Variants in FRMD6 observed in about 807,000 individuals in gnomAD.
FRMD6 encodes FERM domain-containing protein 6.
A neutral mutation model predicts 73.2 loss-of-function variants in FRMD6; 37 were observed. The ratio of observed to expected loss-of-function variants is 0.51; its 90% CI spans 0.39 to 0.66. The LOEUF (loss-of-function observed/expected upper bound fraction) is 0.66, where lower values mean the gene tolerates loss of function less well. FRMD6 is among the 30% of genes least tolerant of loss of function. The probability of loss-of-function intolerance (pLI) is 0.00; values close to 1 mark genes in which losing one functional copy is unlikely to be tolerated. For missense variants in FRMD6, 714 were observed against 780.5 expected (o/e 0.91, Z 1.02); for synonymous variants, 273 against 282.2 (o/e 0.97, Z 0.33).
chr14:51,504,375 C>T (rs1395090953), intron 1 of FRMD6, among the ~76,000 whole-genome samples: 1 of 152,216 alleles, frequency 6.6e-6, no homozygotes, highest in Admixed American at 6.5e-5. Context: ...CTAGAGACCC[C>T]TGTTGGGAGG....
chr14:51,469,035 G>C, the FRMD6 span, among the ~76,000 whole-genome samples: 1 of 152,046 alleles, frequency 6.6e-6, no homozygotes, highest in Non-Finnish European at 1.5e-5. Flanking sequence ...TTGCCTCCCA[G>C]GTTCACACCA....
chr14:51,503,388 T>C (rs879159876), intron 1 of FRMD6, among the ~76,000 whole-genome samples: 1 of 152,188 alleles, frequency 6.6e-6, no homozygotes. Context: ...CCTAGTTTAT[T>C]GAGAGTTTTT....
chr14:51,502,737 T>G (rs1883694386), intron 1 of FRMD6, among the ~76,000 whole-genome samples: 2 of 152,152 alleles, frequency 1.3e-5, no homozygotes, highest in Admixed American at 1.3e-4. Context: ...ATGTGAAGAA[T>G]GTCAATGGTA....
chr14:51,599,058 CTTTTTTT>C (rs59151771), intron 2 of FRMD6, among the ~76,000 whole-genome samples: 68 of 72,822 alleles, frequency 9.3e-4, no homozygotes, highest in African/African-American at 3.1e-3. Context: ...CAGTATCTGT[CTTTTTTT>C]TTTTTTTTTT....
the FRMD6 span, among the ~76,000 whole-genome samples, chr14:51,434,804 A>G: frequency 2.0e-5 from 3 of 152,190 alleles, no homozygotes; most frequent in Non-Finnish European, 2.9e-5. Context: ...ACCTTACCCA[A>G]GTCATCAAAG....
chr14:51,451,539 A>T, the FRMD6 span, among the ~76,000 whole-genome samples: 2 of 152,068 alleles, frequency 1.3e-5, no homozygotes, highest in South Asian at 4.2e-4. Flanking sequence ...ATGCCTGGGT[A>T]ATTTTTTTTG....
At chr14:51,397,326 A>G in the FRMD6 span, among the ~76,000 whole-genome samples, 1 of 152,216 alleles carries the variant, frequency 6.6e-6, no homozygotes, top group Non-Finnish European at 1.5e-5. Context: ...CCCTTTACAT[A>G]AGGTATTTGT....
intron 6 of FRMD6, among the ~76,000 whole-genome samples, chr14:51,707,707 A>G (rs528167617): frequency 6.6e-5 from 10 of 152,296 alleles, no homozygotes; most frequent in South Asian, 2.1e-4. Context: ...AGATGTGCCT[A>G]CTATAGATGT....
chr14:51,549,491 T>TCCC (rs1306800884), intron 1 of FRMD6, among the ~76,000 whole-genome samples: 1 of 152,068 alleles, frequency 6.6e-6, no homozygotes, highest in Non-Finnish European at 1.5e-5. Flanking sequence ...TACCTTCCCT[T>TCCC]CCCCGAACTC....
chr14:51,582,491 G>A (rs1888781728), intron 2 of FRMD6, among the ~76,000 whole-genome samples: 1 of 152,112 alleles, frequency 6.6e-6, no homozygotes, highest in African/African-American at 2.4e-5. Context: ...GACCCACCAT[G>A]GCTTCCAAAG....
chr14:51,673,701 G>A (rs1217767950), intron 1 of FRMD6, among the ~76,000 whole-genome samples: 1 of 152,122 alleles, frequency 6.6e-6, no homozygotes, highest in Non-Finnish European at 1.5e-5. Flanking sequence ...TGGAAGAAAC[G>A]CATTGAAAAA....
At chr14:51,517,879 C>T (rs1884720822) in intron 1 of FRMD6, among the ~76,000 whole-genome samples, 1 of 152,028 alleles carries the variant, frequency 6.6e-6, no homozygotes, top group South Asian at 2.1e-4. Flanking sequence ...TGATGAGTAG[C>T]TCTTCAGTCC....
intron 2 of FRMD6, among the ~76,000 whole-genome samples, chr14:51,581,337 G>A (rs867354156): frequency 6.6e-6 from 1 of 152,242 alleles, no homozygotes; most frequent in African/African-American, 2.4e-5. Flanking sequence ...TTTCTGGAGC[G>A]CTTGAGGTAG....
chr14:51,712,073 T>C (rs576099338), intron 8 of FRMD6, among the ~76,000 whole-genome samples: 98 of 152,356 alleles, frequency 6.4e-4, no homozygotes, highest in Middle Eastern at 3.4e-3. Flanking sequence ...TGAGACAGTG[T>C]TATCCTGCAG....
intron 2 of FRMD6, among the ~76,000 whole-genome samples, chr14:51,641,867 A>G (rs1383396864): frequency 6.6e-6 from 1 of 152,114 alleles, no homozygotes; most frequent in East Asian, 1.9e-4. Flanking sequence ...CGCTTTCCCC[A>G]TAAAGCTGTG....
intron 9 of FRMD6, chr14:51,713,617 G>C (rs1299865791): frequency 6.6e-6 from 1 of 152,122 alleles, no homozygotes; most frequent in Non-Finnish European, 1.5e-5. Flanking sequence ...GGGATATATA[G>C]CTCCATGAGG....
chr14:51,568,444 A>G (rs1367511148), intron 1 of FRMD6, among the ~76,000 whole-genome samples: 2 of 152,260 alleles, frequency 1.3e-5, no homozygotes, highest in Admixed American at 6.5e-5. Context: ...AGTTCAAGAA[A>G]TGAGTGACCA....
chr14:51,721,753 A>AGTAG (rs1897614398), intron 11 of FRMD6, among the ~76,000 whole-genome samples, 196 bp from the exon 12 acceptor site: 1 of 108,706 alleles, frequency 9.2e-6, no homozygotes, highest in African/African-American at 3.5e-5. Flanking sequence ...GAAGGGAGGA[A>AGTAG]GGAAGGAGGG....
intron 2 of FRMD6, among the ~76,000 whole-genome samples, chr14:51,619,947 C>T (rs1890864404): frequency 6.6e-6 from 1 of 152,184 alleles, no homozygotes; most frequent in Admixed American, 6.5e-5. Context: ...GGGTAATTCC[C>T]CTGTAGTCTA....
Sources: gnomAD v4.1 joint callset for allele counts (sites outside exome capture counted in the v4.1 genomes callset) on GRCh38, gnomAD v4.1.1 for gene constraint, MANE v1.5 for transcripts, NCBI Gene and HGNC (gene_info 2026-07-23, HGNC 2026-07-21) for gene names.